ZNF385D: variants seen among roughly 807,000 people sequenced by gnomAD.
The protein encoded by ZNF385D is zinc finger protein 659.
A neutral mutation model predicts 35.8 loss-of-function variants in ZNF385D; 15 were observed. That is an observed-to-expected ratio of 0.42 (90% CI 0.28 to 0.64). The LOEUF (loss-of-function observed/expected upper bound fraction) is 0.64. Among genes scored for constraint, ZNF385D ranks in the 30% least tolerant of loss-of-function variants. The probability of loss-of-function intolerance (pLI) is 0.23; values close to 1 mark genes in which losing one functional copy is unlikely to be tolerated. For missense variants in ZNF385D, 474 were observed against 494.6 expected (o/e 0.96, Z 0.39); for synonymous variants, 212 against 186.8 (o/e 1.13, Z -1.10).
At chr3:22,264,375 G>A (rs1700789839) in intron 2 of ZNF385D, among the ~76,000 whole-genome samples, 1 of 152,012 alleles carries the variant, frequency 6.6e-6, no homozygotes, top group African/African-American at 2.4e-5. Flanking sequence ...TGAAAGTGGT[G>A]AATGCTTACT....
chr3:21,612,662 A>G (rs2064718911), intron 2 of ZNF385D, among the ~76,000 whole-genome samples: 1 of 152,238 alleles, frequency 6.6e-6, no homozygotes, highest in Non-Finnish European at 1.5e-5. Flanking sequence ...CAGCATTTTG[A>G]AAGAGAAACC....
At chr3:21,810,637 A>G (rs868294582) in intron 3 of ZNF385D, among the ~76,000 whole-genome samples, 1 of 152,108 alleles carries the variant, frequency 6.6e-6, no homozygotes, top group Non-Finnish European at 1.5e-5. Flanking sequence ...AATGAATCAG[A>G]TGGAGAGTAC....
In ZNF385D at chr3:22,321,891, GTC is replaced by G. The variant is rs544034337; in HGVS notation, c.106+50557_106+50558del. 6.2e-3 allele frequency among the ~76,000 whole-genome samples: 941 copies of G among 152,016 alleles called. 9 individuals are homozygous for G. The highest frequency in any genetic ancestry group is 0.021 in the African/African-American group (884 of 41,434). ...AATAGCTACACTCCCTTTATTGAGT[GTC>G]TCAATATTAATTTTTAAGATAATTA... On this transcript the variant is annotated intron_variant, in intron 2 of 5. Transcript: ENST00000494108.
intron 3 of ZNF385D, among the ~76,000 whole-genome samples, chr3:22,069,843 C>G (rs1700144793): frequency 6.6e-6 from 1 of 152,134 alleles, no homozygotes; most frequent in Admixed American, 6.5e-5. Context: ...TAGGAAAACC[C>G]CACTGTAGGC....
chr3:22,133,201 T>C (rs529084915), intron 3 of ZNF385D, among the ~76,000 whole-genome samples: 47 of 152,284 alleles, frequency 3.1e-4, no homozygotes, highest in African/African-American at 1.1e-3. Flanking sequence ...TTCTTAAATA[T>C]CTCCAGCTTT....
chr3:22,362,589 T>G (rs1018654433), intron 2 of ZNF385D, among the ~76,000 whole-genome samples: 1 of 152,084 alleles, frequency 6.6e-6, no homozygotes, highest in Non-Finnish European at 1.5e-5. Context: ...TTACAGAACA[T>G]AGGTTTGAGT....
chr3:21,796,537 T>G (rs1175938918), intron 3 of ZNF385D, among the ~76,000 whole-genome samples: 1 of 152,008 alleles, frequency 6.6e-6, no homozygotes, highest in African/African-American at 2.4e-5. Flanking sequence ...CAACTGGATA[T>G]CCACATGCAA....
At chr3:21,660,530 T>A (rs73138833) in intron 2 of ZNF385D, among the ~76,000 whole-genome samples, 31 of 152,278 alleles carry the variant, frequency 2.0e-4, no homozygotes, top group African/African-American at 7.0e-4. Flanking sequence ...ACTTTTTCAG[T>A]GACATTCTAA....
chr3:21,624,331 AG>A (rs1236532233), intron 2 of ZNF385D, among the ~76,000 whole-genome samples: 1 of 152,006 alleles, frequency 6.6e-6, no homozygotes, highest in Admixed American at 6.6e-5. Flanking sequence ...TCTGCTTTTC[AG>A]GGGGTGACCT....
At chr3:22,075,597 A>C (rs1213066733) in intron 3 of ZNF385D, among the ~76,000 whole-genome samples, 1 of 151,820 alleles carries the variant, frequency 6.6e-6, no homozygotes, top group African/African-American at 2.4e-5. Context: ...CTTTTGTAAG[A>C]TTGTCCTTCT....
At chr3:22,066,464 G>A (rs1699960769) in intron 3 of ZNF385D, among the ~76,000 whole-genome samples, 1 of 132,868 alleles carries the variant, frequency 7.5e-6, no homozygotes, top group Admixed American at 7.8e-5. Flanking sequence ...GGTTCCCCGT[G>A]TGTGTGTGTG....
chr3:22,004,213 A>G (rs35636257), intron 3 of ZNF385D, among the ~76,000 whole-genome samples: 1 of 151,980 alleles, frequency 6.6e-6, no homozygotes, highest in East Asian at 1.9e-4. Context: ...TACCGTCTTC[A>G]ATAAATGGTA....
chr3:22,232,026 A>G (rs764350645), intron 2 of ZNF385D, among the ~76,000 whole-genome samples: 1 of 152,016 alleles, frequency 6.6e-6, no homozygotes, highest in Non-Finnish European at 1.5e-5. Flanking sequence ...AGAAGCCACT[A>G]TGTTTCCTGT....
intron 2 of ZNF385D, among the ~76,000 whole-genome samples, chr3:22,351,167 G>A (rs572331278): frequency 9.2e-5 from 14 of 152,070 alleles, no homozygotes; most frequent in African/African-American, 3.4e-4. Flanking sequence ...AACCACTCAG[G>A]TTATTTTATA....
intron 3 of ZNF385D, among the ~76,000 whole-genome samples, chr3:21,808,514 C>A (rs1402729228): frequency 1.3e-5 from 2 of 152,176 alleles, no homozygotes; most frequent in African/African-American, 4.8e-5. Flanking sequence ...ATTGCAGAGA[C>A]TGGGAAGAAA....
At chr3:22,220,954 C>A (rs777863802) in intron 2 of ZNF385D, among the ~76,000 whole-genome samples, 1 of 152,158 alleles carries the variant, frequency 6.6e-6, no homozygotes, top group Non-Finnish European at 1.5e-5. Flanking sequence ...TTGGAAAGAA[C>A]TGATTCTCAT....
intron 2 of ZNF385D, among the ~76,000 whole-genome samples, chr3:22,186,882 G>C (rs1695670357): frequency 6.6e-6 from 1 of 152,106 alleles, no homozygotes; most frequent in Non-Finnish European, 1.5e-5. Flanking sequence ...GTTTATAAAT[G>C]ATTATAAACA....
chr3:21,890,495 T>A (rs1698793792), intron 3 of ZNF385D, among the ~76,000 whole-genome samples: 1 of 152,128 alleles, frequency 6.6e-6, no homozygotes, highest in African/African-American at 2.4e-5. Flanking sequence ...GGCAGGCCCC[T>A]GTAATCCCAG....
chr3:22,235,838 A>C (rs1699148671), intron 2 of ZNF385D, among the ~76,000 whole-genome samples: 1 of 152,164 alleles, frequency 6.6e-6, no homozygotes, highest in South Asian at 2.1e-4. Flanking sequence ...TTTGAAGGGT[A>C]ATATAAAAAT....
Sources: allele counts gnomAD v4.1 joint callset (sites outside exome capture counted in the v4.1 genomes callset), GRCh38; gene constraint gnomAD v4.1.1; transcripts MANE v1.5; gene names NCBI Gene and HGNC (gene_info 2026-07-23, HGNC 2026-07-21).